Variants in PUDP observed in about 807,000 individuals in gnomAD.
PUDP encodes the protein pseudouridine-5'-phosphatase.
A neutral mutation model predicts 9.4 loss-of-function variants in PUDP; 8 were observed. The ratio of observed to expected loss-of-function variants is 0.85; its 90% CI spans 0.50 to 1.53. The LOEUF (loss-of-function observed/expected upper bound fraction) is 1.53, where lower values mean the gene tolerates loss of function less well. Ranked by LOEUF, PUDP falls within the 40% of genes most tolerant of loss-of-function variation. The probability of loss-of-function intolerance (pLI) is 0.00; values close to 1 mark genes in which losing one functional copy is unlikely to be tolerated. For synonymous variants in PUDP, 99 were observed against 80.7 expected (o/e 1.23, Z -1.22); for missense variants, 188 against 189.7 (o/e 0.99, Z 0.05).
chrX:7,143,114 C>T (rs891877007), intron 1 of PUDP, among the ~76,000 whole-genome samples: 5 of 107,050 alleles, frequency 4.7e-5, no homozygotes, highest in African/African-American at 1.4e-4. Context: ...AATTACAACT[C>T]ACTGAAGGAT....
At chrX:7,109,527 A>G (rs2146902552) in intron 1 of PUDP, among the ~76,000 whole-genome samples, 1 of 112,518 alleles carries the variant, frequency 8.9e-6, no homozygotes, top group East Asian at 2.8e-4. Context: ...TGCTTCCAAC[A>G]GTGTTTATTT....
chrX:6,909,426 A>C (rs952363100), intron 3 of PUDP, among the ~76,000 whole-genome samples: 2 of 112,071 alleles, frequency 1.8e-5, no homozygotes, highest in Non-Finnish European at 3.8e-5. Context: ...AGTTTAAGCA[A>C]GGTTGTCCAA....
intron 3 of PUDP, among the ~76,000 whole-genome samples, chrX:6,730,511 TG>T (rs777220351): frequency 8.9e-6 from 1 of 111,943 alleles, no homozygotes; most frequent in Non-Finnish European, 1.9e-5. Flanking sequence ...GTTGGTTTTG[TG>T]TGCTTCTGAG....
At chrX:6,888,075 C>G (rs1016663343) in intron 3 of PUDP, among the ~76,000 whole-genome samples, 1 of 111,238 alleles carries the variant, frequency 9.0e-6, no homozygotes, top group Non-Finnish European at 1.9e-5. Context: ...TTTTTGAGAG[C>G]GAGAACAATG....
chrX:6,954,509 G>C (rs761243594), intron 3 of PUDP, among the ~76,000 whole-genome samples: 1 of 111,215 alleles, frequency 9.0e-6, no homozygotes, highest in Non-Finnish European at 1.9e-5. Flanking sequence ...GTGTCAGTCC[G>C]TGTCAGCCAA....
At chrX:6,931,778 TC>T (rs1928194710) in intron 3 of PUDP, among the ~76,000 whole-genome samples, 1 of 110,952 alleles carries the variant, frequency 9.0e-6, no homozygotes, top group Non-Finnish European at 1.9e-5. Context: ...GAGGACGCAA[TC>T]CCAAGATAAA....
intron 3 of PUDP, among the ~76,000 whole-genome samples, chrX:7,069,481 G>A (rs960095453): frequency 9.1e-6 from 1 of 110,420 alleles, no homozygotes; most frequent in Non-Finnish European, 1.9e-5. Flanking sequence ...GATGCCACGT[G>A]CGCTCGGCAG....
At chrX:6,904,642 G>A (rs887370574) in intron 3 of PUDP, among the ~76,000 whole-genome samples, 2 of 111,522 alleles carry the variant, frequency 1.8e-5, no homozygotes, top group South Asian at 3.8e-4. Context: ...GAGGAGCTGC[G>A]GCATTTGGTT....
intron 3 of PUDP, among the ~76,000 whole-genome samples, chrX:6,945,443 AAT>A (rs1248502173): frequency 8.9e-6 from 1 of 112,067 alleles, no homozygotes; most frequent in African/African-American, 3.2e-5. Flanking sequence ...TTTAAAATCT[AAT>A]ATGTTTGTAT....
intron 1 of PUDP, among the ~76,000 whole-genome samples, chrX:7,147,567 A>C (rs1044287656): frequency 8.9e-6 from 1 of 112,375 alleles, no homozygotes; most frequent in Admixed American, 9.3e-5. Flanking sequence ...TGCTACCATC[A>C]AAGTGCGCCC....
At chrX:6,756,141 T>C (rs1172281218) in intron 3 of PUDP, among the ~76,000 whole-genome samples, 1 of 110,811 alleles carries the variant, frequency 9.0e-6, no homozygotes, top group Non-Finnish European at 1.9e-5. Flanking sequence ...GGAAAAAAGG[T>C]GGGGAAAAGA....
intron 1 of PUDP, among the ~76,000 whole-genome samples, chrX:7,037,485 A>G (rs1442438410): frequency 9.0e-6 from 1 of 111,662 alleles, no homozygotes; most frequent in East Asian, 2.8e-4. Flanking sequence ...ATTTCCTTTC[A>G]ATGTGTGCCA....
chrX:6,841,861 CT>C (rs1926676379), intron 3 of PUDP, among the ~76,000 whole-genome samples: 1 of 110,818 alleles, frequency 9.0e-6, no homozygotes. Flanking sequence ...TGAGAAAACC[CT>C]GATTAACTAA....
chrX:6,713,158 A>G (rs757226582), intron 1 of PUDP, among the ~76,000 whole-genome samples: 17 of 112,488 alleles, frequency 1.5e-4, no homozygotes, highest in African/African-American at 5.5e-4. Context: ...CACATCCCCC[A>G]CAATTTGCAC....
At chrX:7,140,791 C>A (rs527427139) in intron 1 of PUDP, among the ~76,000 whole-genome samples, 5 of 111,843 alleles carry the variant, frequency 4.5e-5, no homozygotes, top group Non-Finnish European at 9.4e-5. Flanking sequence ...GGCAACCCTG[C>A]GTCGAGAAAG....
chrX:7,050,241 C>A lies in PUDP; in HGVS notation c.*55G>T, dbSNP rs1339035396. The stretch of plus-strand genomic sequence containing the variant: ...GTTGCTGATTTCCTTTCCCTTTCCC[C>A]CAGCAGTGTGGACCATGAGAGTGGG... On this transcript the variant is annotated 3_prime_UTR_variant, in exon 4 of 4. Coordinates refer to ENST00000381077, the MANE Select transcript of PUDP (RefSeq NM_012080.5). 1 of 1,113,370 alleles carries A rather than the reference C, an allele frequency of 9.0e-7. No individual in the cohort carries two copies. Among genetic ancestry groups the A allele is most frequent in the Non-Finnish European group, 1.2e-6 (1 of 820,812 alleles). 91.8% of individuals were successfully genotyped at this position (1,113,370 alleles called of 1,213,427 possible).
intron 3 of PUDP, among the ~76,000 whole-genome samples, chrX:6,767,860 A>G (rs902799369): frequency 1.8e-5 from 2 of 111,632 alleles, no homozygotes; most frequent in Admixed American, 9.6e-5. Context: ...AAGTAATTTC[A>G]AACTCCATCA....
chrX:6,836,019 G>A (rs978994098), intron 3 of PUDP, among the ~76,000 whole-genome samples: 3 of 110,672 alleles, frequency 2.7e-5, no homozygotes, highest in Non-Finnish European at 3.8e-5. Flanking sequence ...ACACCCGGCC[G>A]TCACCACTTA....
At chrX:6,721,852 C>G (rs531397554), upstream of PUDP, among the ~76,000 whole-genome samples, 1 of 111,464 alleles carries the variant, frequency 9.0e-6, no homozygotes, top group South Asian at 3.8e-4. Flanking sequence ...TGTAAGTGGC[C>G]AAGAATCGCT....
Sources: gnomAD v4.1 joint callset for allele counts (sites outside exome capture counted in the v4.1 genomes callset) on GRCh38, gnomAD v4.1.1 for gene constraint, MANE v1.5 for transcripts, NCBI Gene and HGNC (gene_info 2026-07-23, HGNC 2026-07-21) for gene names.